The following IST1 variants were observed in gnomAD, a reference collection of about 807,000 sequenced individuals.
IST1 encodes the protein IST1 factor associated with ESCRT-III.
Under a neutral mutation model 37.0 loss-of-function variants are expected in IST1, and 23 were observed. That is an observed-to-expected ratio of 0.62 (90% CI 0.45 to 0.88). The LOEUF (loss-of-function observed/expected upper bound fraction) is 0.88, where lower values mean the gene tolerates loss of function less well. IST1 is among the 40% of genes least tolerant of loss of function. IST1 has a pLI of 0.00. For missense variants in IST1, 488 were observed against 445.4 expected (o/e 1.10, Z -0.86); for synonymous variants, 180 against 161.7 (o/e 1.11, Z -0.86).
intron 2 of IST1, among the ~76,000 whole-genome samples, chr16:71,916,033 G>T (rs1287747798): frequency 6.6e-6 from 1 of 151,994 alleles, no homozygotes; most frequent in Non-Finnish European, 1.5e-5. Context: ...ATTTCACCAC[G>T]TTGGCCAGGC....
Position 71,930,008 on chromosome 16 carries a change from C to T in IST1, c.*2195C>T. On this transcript the variant is annotated 3_prime_UTR_variant, in exon 10 of 10. Transcript: ENST00000378799. ...TTAGGGGCAGTTACAGTGGAGCTTTCCCAGTGATATAACAGCATGCTAGTT... is the reference window on the plus strand; with the variant it reads ...TTAGGGGCAGTTACAGTGGAGCTTTTCCAGTGATATAACAGCATGCTAGTT... 1 of 1,520,664 alleles carries T rather than the reference C, an allele frequency of 6.6e-7. No individual in the cohort carries two copies. The highest frequency in any genetic ancestry group is 8.8e-7 in the Non-Finnish European group (1 of 1,131,224). The allele number at this position is 1,520,664 out of a possible 1,614,324, so 94.2% of individuals were successfully genotyped here.
chr16:71,923,151 C>A, intron 7 of IST1, 137 bp from the exon 8 acceptor site: 1 of 501,468 alleles, frequency 2.0e-6, no homozygotes, highest in East Asian at 3.4e-5. Context: ...TCCTTTTGGG[C>A]ATTTTTAAGG....
Position 71,895,545 on chromosome 16 carries a change from A to C in IST1, c.-60A>C, listed in dbSNP as rs758218157. On this transcript the variant is annotated 5_prime_UTR_variant, in exon 1 of 10. Coordinates refer to ENST00000378799, the MANE Select transcript of IST1 (RefSeq NM_001270975.2). ...AGGGAGTCGCCATTTTGGATGGTGAACCCTGAAGTCGGTGTCTGCTGCGTT... is the reference window on the plus strand; with the variant it reads ...AGGGAGTCGCCATTTTGGATGGTGACCCCTGAAGTCGGTGTCTGCTGCGTT... 1.3e-5 allele frequency: 13 copies of C among 985,536 alleles called. No homozygotes were observed. The highest frequency in any genetic ancestry group is 5.2e-5 in the African/African-American group (3 of 57,216). 61.0% of individuals were successfully genotyped at this position (985,536 alleles called of 1,614,324 possible).
At chr16:71,914,964 A>G (rs898576348) in intron 1 of IST1, among the ~76,000 whole-genome samples, 2 of 152,190 alleles carry the variant, frequency 1.3e-5, no homozygotes, top group African/African-American at 2.4e-5. Context: ...TCTGCTATTC[A>G]GTGAAATTCC....
At chr16:71,925,260 C>T (rs981778944) in intron 9 of IST1, among the ~76,000 whole-genome samples, 3 of 151,140 alleles carry the variant, frequency 2.0e-5, no homozygotes, top group Non-Finnish European at 4.4e-5. Context: ...TGAGATCCGC[C>T]TGCCTTGGCC....
chr16:71,905,371 TGGATGAACTTTTC>T (rs1324216948), intron 1 of IST1, among the ~76,000 whole-genome samples: 1 of 142,032 alleles, frequency 7.0e-6, no homozygotes, highest in Non-Finnish European at 1.5e-5. Flanking sequence ...GGGGTTACAA[TGGATGAACTTTTC>T]TTTTTTTTTT....
chr16:71,921,787 C>T (rs914606098), intron 6 of IST1: 42 of 259,748 alleles, frequency 1.6e-4, no homozygotes, highest in African/African-American at 9.1e-4. Flanking sequence ...TTATTGGGTA[C>T]CCACCATGTG....
intron 1 of IST1, among the ~76,000 whole-genome samples, chr16:71,907,571 C>T (rs2037254547): frequency 6.6e-6 from 1 of 152,186 alleles, no homozygotes; most frequent in South Asian, 2.1e-4. Context: ...GCCACTGCGC[C>T]TGGCCCCCTT....
rs541775242 is a variant in IST1 at position 71,896,137 on chromosome 16, G to T, written c.-16+548G>T. Among the ~76,000 whole-genome samples the T allele has an allele frequency of 6.2e-4, 95 of 152,302 alleles. 1 individual carries two copies. The highest frequency in any genetic ancestry group is 2.2e-3 in the African/African-American group (93 of 41,572). On this transcript the variant is annotated intron_variant, in intron 1 of 9. Coordinates refer to ENST00000378799, the MANE Select transcript of IST1 (RefSeq NM_001270975.2). ...GAAAATTACAATTTCTTTCGCTGAAGTAAGGAGCGGCCTCTGCCCGCTTTC... is the reference window on the plus strand; with the variant it reads ...GAAAATTACAATTTCTTTCGCTGAATTAAGGAGCGGCCTCTGCCCGCTTTC...
chr16:71,922,368 C>T, intron 6 of IST1, 106 bp from the exon 7 acceptor site: 1 of 887,034 alleles, frequency 1.1e-6, no homozygotes, highest in Non-Finnish European at 1.8e-6. Flanking sequence ...ATCCCAGAAG[C>T]ACTCCAGTAA....
chr16:71,925,876 G>C (rs1380143814), intron 9 of IST1, among the ~76,000 whole-genome samples: 1 of 152,182 alleles, frequency 6.6e-6, no homozygotes, highest in African/African-American at 2.4e-5. Context: ...AGGAGTTCAA[G>C]ATTACAGTGA....
At position 71,927,673 on chromosome 16, in the gene IST1, G is replaced by GACAACTTTGTCCTAC; in HGVS notation, c.962_976dup (p.Leu325_Pro326insHisAsnPheValLeu). 1.2e-6 allele frequency: 2 copies of GACAACTTTGTCCTAC among 1,613,938 alleles called. No individual in the cohort carries two copies. The highest frequency in any genetic ancestry group is 1.7e-6 in the Non-Finnish European group (2 of 1,179,866). ...TCCTTCCAGACCTGCAGATAACTAT[G>GACAACTTTGTCCTAC]ACAACTTTGTCCTACCAGAGTTGCC... is the stretch of plus-strand genomic sequence containing the variant. On this transcript the variant is annotated inframe_insertion, in exon 10 of 10. Transcript: ENST00000378799.
chr16:71,914,170 C>CTT (rs35711807), intron 1 of IST1, among the ~76,000 whole-genome samples: 29 of 135,110 alleles, frequency 2.1e-4, no homozygotes, highest in Non-Finnish European at 3.0e-4. Context: ...GGGGTTGTAC[C>CTT]TTTTTTTTTT....
chr16:71,929,917 C>T lies in IST1; in HGVS notation c.*2104C>T, dbSNP rs1234966072. 3.4e-6 allele frequency: 4 copies of T among 1,173,972 alleles called. No homozygotes were observed. Among genetic ancestry groups the T allele is most frequent in the Admixed American group, 5.9e-5 (2 of 33,976 alleles). The allele number at this position is 1,173,972 out of a possible 1,614,324, so 72.7% of individuals were successfully genotyped here. On this transcript the variant is annotated 3_prime_UTR_variant, in exon 10 of 10. Transcript: ENST00000378799. ...TTGGGTTTCCTAGGAAGATAGCTGG[C>T]AGAGCTTTTGAAACTAATAAAGGGA...
Position 71,922,902 on chromosome 16 carries a change from T to C in IST1, c.759+222T>C. On this transcript the variant is annotated intron_variant, in intron 7 of 9. Coordinates refer to ENST00000378799, the MANE Select transcript of IST1 (RefSeq NM_001270975.2). The stretch of plus-strand genomic sequence containing the variant: ...TATAGAGTTGGTGCTAGAAAAACAC[T>C]TTTCATATAGGTTTACTGAATATCT... The C allele has an allele frequency of 1.5e-5, 9 of 590,396 alleles. No individual in the cohort carries two copies. The South Asian group carries it at 1.6e-4, about 11-fold the overall frequency. The allele number at this position is 590,396 out of a possible 1,614,324, so 36.6% of individuals were successfully genotyped here.
chr16:71,913,648 A>G (rs2037406381), intron 1 of IST1, among the ~76,000 whole-genome samples: 1 of 151,322 alleles, frequency 6.6e-6, no homozygotes, highest in East Asian at 1.9e-4. Context: ...CCACAGGTGC[A>G]TGCCACCACG....
intron 1 of IST1, among the ~76,000 whole-genome samples, chr16:71,904,020 C>A (rs865827516): frequency 4.3e-4 from 66 of 152,106 alleles, no homozygotes; most frequent in African/African-American, 1.5e-3. Context: ...TGACTTCACC[C>A]TTTTATGCTT....
intron 1 of IST1, among the ~76,000 whole-genome samples, chr16:71,895,867 T>C (rs889059814): frequency 6.6e-6 from 1 of 152,186 alleles, no homozygotes; most frequent in Non-Finnish European, 1.5e-5. Context: ...GCCCCTTAAC[T>C]TTCCCCTAGT....
At chr16:71,916,423 C>T in intron 2 of IST1, 39 bp from the exon 3 acceptor site, 1 of 1,601,344 alleles carries the variant, frequency 6.2e-7, no homozygotes, top group Non-Finnish European at 8.5e-7. Flanking sequence ...GATGCAAGTG[C>T]TCTACTGCTG....
Sources: allele counts gnomAD v4.1 joint callset (sites outside exome capture counted in the v4.1 genomes callset), GRCh38; gene constraint gnomAD v4.1.1; transcripts MANE v1.5; gene names NCBI Gene and HGNC (gene_info 2026-07-23, HGNC 2026-07-21).